Variants in MCAM observed in about 807,000 individuals in gnomAD.
MCAM encodes the protein melanoma cell adhesion molecule.
In MCAM, 55 loss-of-function variants were observed where a neutral mutation model predicts 79.1. The observed-to-expected ratio is 0.70, with a 90% CI of 0.56 to 0.87. MCAM has a LOEUF of 0.87. Ranked by LOEUF, MCAM falls within the 40% of genes least tolerant of loss-of-function variation. MCAM has a pLI of 0.00. For synonymous variants in MCAM, 330 were observed against 339.8 expected (o/e 0.97, Z 0.32); for missense variants, 745 against 839.8 (o/e 0.89, Z 1.40).
Position 119,315,067 on chromosome 11 carries a change from G to A in MCAM, c.193-27C>T. ...TAATGGGAGGAGACACAGAGGAGGAGAAGGGTCCTGGGCTACAAGAGGGGC... is the reference window on the plus strand; with the variant it reads ...TAATGGGAGGAGACACAGAGGAGGAAAAGGGTCCTGGGCTACAAGAGGGGC... On this transcript the variant is annotated intron_variant, in intron 2 of 15. Coordinates refer to ENST00000264036, the MANE Select transcript of MCAM (RefSeq NM_006500.3). The surrounding 1 kb of genome is among the most constrained non-coding windows in gnomAD (Gnocchi z 4.4). The A allele has an allele frequency of 6.2e-7, 1 of 1,609,762 alleles. No individual in the cohort carries two copies. Among genetic ancestry groups the A allele is most frequent in the South Asian group, 1.1e-5 (1 of 91,078 alleles).
Position 119,309,940 on chromosome 11 carries a change from G to A in MCAM, c.1912-25C>T, listed in dbSNP as rs78305366. On this transcript the variant is annotated intron_variant, in intron 15 of 15. Transcript: ENST00000264036. ...CCTAAAAGTGGGTAGAGGAGAAGAGGGGAACACGGAGACGGTGCTGAGTTG... is the reference window on the plus strand; with the variant it reads ...CCTAAAAGTGGGTAGAGGAGAAGAGAGGAACACGGAGACGGTGCTGAGTTG... 2.1e-3 allele frequency: 3,297 copies of A among 1,593,282 alleles called. 72 individuals are homozygous for A. In the East Asian group the frequency reaches 0.045, roughly 22 times the overall value.
rs140543033 is a variant in MCAM at position 119,312,561 on chromosome 11, C to G, written c.827G>C (p.Gly276Ala). 5.6e-5 allele frequency: 91 copies of G among 1,614,018 alleles called. 1 individual carries two copies. The highest frequency in any genetic ancestry group is 7.5e-5 in the Non-Finnish European group (89 of 1,180,036). ...DRVEIRCLAD[G>A]NPPPHFSISK... ...GATGCTGAAGTGTGGTGGAGGGTTG[C>G]CATCAGCCAAACACCTGATTTCCAC... is the stretch of plus-strand genomic sequence containing the variant. The change falls in exon 7 of 16, where the codon GGC becomes GCC. Residue 276 changes from glycine to alanine, a missense_variant. By Grantham distance (60) the Gly-to-Ala change is moderately conservative. Transcript: ENST00000264036. The surrounding 1 kb of genome is among the most constrained non-coding windows in gnomAD (Gnocchi z 4.9).
chr11:119,316,942 C>T lies in MCAM; in HGVS notation c.67+93G>A. ...AGGAGGCTCGTCCTCCCAGACGCAA[C>T]GCCCCGACCCCGCCGCGCCGCTGGC... is the stretch of plus-strand genomic sequence containing the variant. On this transcript the variant is annotated intron_variant, in intron 1 of 15. Coordinates refer to ENST00000264036, the MANE Select transcript of MCAM (RefSeq NM_006500.3). The surrounding 1 kb of genome is among the most constrained non-coding windows in gnomAD (Gnocchi z 4.8). 1 of 1,161,878 alleles carries T rather than the reference C, an allele frequency of 8.6e-7. No individual in the cohort carries two copies. Among genetic ancestry groups the T allele is most frequent in the Non-Finnish European group, 1.2e-6 (1 of 842,812 alleles). 72.0% of individuals were successfully genotyped at this position (1,161,878 alleles called of 1,614,324 possible). A position where few individuals can be genotyped will look rare whatever the true frequency, so the allele number is the denominator to read the frequency against.
At position 119,309,011 on chromosome 11, in the gene MCAM, G is replaced by A. The variant is rs1950185397; in HGVS notation, c.*875C>T. The A allele has an allele frequency of 1.3e-5, 2 of 152,170 alleles. No homozygotes were observed. The highest frequency in any genetic ancestry group is 2.4e-5 in the African/African-American group (1 of 41,428). 9.4% of individuals were successfully genotyped at this position (152,170 alleles called of 1,614,324 possible). ...CCTCGAGACGGAGTCTCGCTGTGTT[G>A]CCCAGGCTGGAGTGCAGTGGCACGG... On this transcript the variant is annotated 3_prime_UTR_variant, in exon 16 of 16. Coordinates refer to ENST00000264036, the MANE Select transcript of MCAM (RefSeq NM_006500.3).
At chr11:119,313,384 GCACTA>G (rs1950263249) in intron 5 of MCAM, 1 of 1,165,268 alleles carries the variant, frequency 8.6e-7, no homozygotes, top group African/African-American at 1.6e-5. Context: ...GGGTTTCTCA[GCACTA>G]CTGATAATTT....
At position 119,309,606 on chromosome 11, in the gene MCAM, G is replaced by A. The variant is rs7914; in HGVS notation, c.*280C>T. ...TGTGTGTAAAGAAAAAACACGTTCT[G>A]CAAGAAACTCTCCTACCCGCTCGGG... On this transcript the variant is annotated 3_prime_UTR_variant, in exon 16 of 16. Coordinates refer to ENST00000264036, the MANE Select transcript of MCAM (RefSeq NM_006500.3). 0.28 allele frequency: 144,781 copies of A among 515,812 alleles called. 23,025 individuals are homozygous for A. The highest frequency in any genetic ancestry group is 0.52 in the South Asian group (19,051 of 36,418). The allele number at this position is 515,812 out of a possible 1,614,324, so 32.0% of individuals were successfully genotyped here.
rs141199045 is a variant in MCAM, at chr11:119,314,574, G to C, written c.474C>G (p.Val158=). Residue 158 remains valine, a splice_region_variant and synonymous_variant, in exon 5 of 16, where the codon GTC becomes GTG. Coordinates refer to ENST00000264036, the MANE Select transcript of MCAM (RefSeq NM_006500.3). ...IPVNSKEPEE[V]ATCVGRNGYP... The stretch of plus-strand genomic sequence containing the variant: ...ACCCGTTCCTCCCTACACAGGTAGC[G>C]ACCTAAAGAGCACAGGGTGTGAGTC... The C allele has an allele frequency of 5.6e-6, 9 of 1,613,708 alleles. No homozygotes were observed. The highest frequency in any genetic ancestry group is 7.6e-6 in the Non-Finnish European group (9 of 1,179,848).
In MCAM at chr11:119,311,942, T is replaced by C. The variant is rs746497130; in HGVS notation, c.1151A>G (p.Gln384Arg). Residue 384 changes from glutamine (Q) to arginine (R), a missense_variant, in exon 10 of 16, where the codon CAG (glutamine) becomes CGG (arginine). Gln to Arg is a conservative substitution (Grantham distance 43). Coordinates refer to ENST00000264036, the MANE Select transcript of MCAM (RefSeq NM_006500.3). The surrounding 1 kb of genome is among the most constrained non-coding windows in gnomAD (Gnocchi z 4.4). ...EFQWLREETGQVLERGPVLQL... is the reference protein window; with the variant it reads ...EFQWLREETGRVLERGPVLQL... ...AAGCACAGGCCCCCTTTCCAGCACCTGGCCTGTCTGGGATGAGAGATGGGT... is the reference window on the plus strand; with the variant it reads ...AAGCACAGGCCCCCTTTCCAGCACCCGGCCTGTCTGGGATGAGAGATGGGT... The C allele has an allele frequency of 6.2e-7, 1 of 1,613,624 alleles. No individual in the cohort carries two copies. Among genetic ancestry groups the C allele is most frequent in the Non-Finnish European group, 8.5e-7 (1 of 1,179,964 alleles).
rs1203716039 is a variant in MCAM, at chr11:119,314,551, C to G, written c.497G>C (p.Gly166Ala). The change falls in exon 5 of 16, where the codon GGG (glycine) becomes GCG (alanine). Residue 166 changes from glycine (G) to alanine (A), a missense_variant. Coordinates refer to ENST00000264036, the MANE Select transcript of MCAM (RefSeq NM_006500.3). ...CCAGATGACTTGAGGAATGGGGTACCCGTTCCTCCCTACACAGGTAGCGAC... is the reference window on the plus strand; with the variant it reads ...CCAGATGACTTGAGGAATGGGGTACGCGTTCCTCCCTACACAGGTAGCGAC... ...EEVATCVGRN[G>A]YPIPQVIWYK... The G allele has an allele frequency of 6.2e-7, 1 of 1,613,758 alleles. No individual in the cohort carries two copies. The highest frequency in any genetic ancestry group is 1.3e-5 in the African/African-American group (1 of 74,858).
Position 119,315,304 on chromosome 11 carries a change from C to G in MCAM, c.68-41G>C, listed in dbSNP as rs199747284. ...GGGGCCCCCGCAGCTGTGTCAGCTC[C>G]GGCTGCTGTCCGCCCCTCCCCTCGC... On this transcript the variant is annotated intron_variant, in intron 1 of 15. Transcript: ENST00000264036. The surrounding 1 kb of genome is among the most constrained non-coding windows in gnomAD (Gnocchi z 4.4). The G allele has an allele frequency of 1.9e-6, 3 of 1,581,672 alleles. No individual in the cohort carries two copies. Among genetic ancestry groups the G allele is most frequent in the East Asian group, 2.3e-5 (1 of 43,976 alleles).
chr11:119,309,128 C>G lies in MCAM; in HGVS notation c.*758G>C, dbSNP rs142204710. 5 of 152,366 alleles carry G rather than the reference C, an allele frequency of 3.3e-5. No individual in the cohort carries two copies. Among genetic ancestry groups the G allele is most frequent in the South Asian group, 4.1e-4 (2 of 4,822 alleles). 9.4% of individuals were successfully genotyped at this position (152,366 alleles called of 1,614,324 possible). A position where few individuals can be genotyped will look rare whatever the true frequency, so the allele number is the denominator to read the frequency against. On this transcript the variant is annotated 3_prime_UTR_variant, in exon 16 of 16. Transcript: ENST00000264036. The stretch of plus-strand genomic sequence containing the variant: ...CTGGGACTATAGGTGCCAACCACTA[C>G]GCCTAGCTAATTTTTTTTTGTATTT...
rs777300630 is a variant in MCAM at position 119,312,211 on chromosome 11, C to A, written c.1025-41G>T. 6.2e-7 allele frequency: 1 copy of A among 1,611,056 alleles called. No individual in the cohort carries two copies. Among genetic ancestry groups the A allele is most frequent in the South Asian group, 1.1e-5 (1 of 90,676 alleles). On this transcript the variant is annotated intron_variant, in intron 8 of 15. Transcript: ENST00000264036. This position sits in a 1 kb window ranked among gnomAD's most constrained non-coding sequence, Gnocchi z 4.9. ...TCATGTCACCCAGGGCAGGGTGGGG[C>A]CAGTTCCCTATTGCCCCAGCCTGGT...
chr11:119,316,832 C>G lies in MCAM; in HGVS notation c.67+203G>C. 1.9e-6 allele frequency: 1 copy of G among 531,138 alleles called. No homozygotes were observed. Among genetic ancestry groups the G allele is most frequent in the African/African-American group, 2.0e-5 (1 of 48,934 alleles). The allele number at this position is 531,138 out of a possible 1,614,324, so 32.9% of individuals were successfully genotyped here. On this transcript the variant is annotated intron_variant, in intron 1 of 15. Transcript: ENST00000264036. The surrounding 1 kb of genome is among the most constrained non-coding windows in gnomAD (Gnocchi z 4.8). ...CTCCCCGCCTTCCGAGTGCTGCTCC[C>G]GGGATACTCTAGAATCCCGGCTGCA...
In MCAM at chr11:119,315,045, T is replaced by TG. The variant is rs745418656; in HGVS notation, c.193-6dup. 1.2e-6 allele frequency: 2 copies of TG among 1,608,460 alleles called. No homozygotes were observed. The highest frequency in any genetic ancestry group is 2.7e-5 in the African/African-American group (2 of 74,860). ...CGTCCGCTTCTCCTTGTGGACCTAA[T>TG]GGGAGGAGACACAGAGGAGGAGAAG... is the stretch of plus-strand genomic sequence containing the variant. On this transcript the variant is annotated splice_region_variant and splice_polypyrimidine_tract_variant and intron_variant, in intron 2 of 15. Transcript: ENST00000264036. The surrounding 1 kb of genome is among the most constrained non-coding windows in gnomAD (Gnocchi z 4.4).
intron 5 of MCAM, chr11:119,313,223 A>C: frequency 2.8e-6 from 4 of 1,420,558 alleles, no homozygotes; most frequent in East Asian, 6.8e-5. Context: ...TGTCCACTAA[A>C]TGGGGAATGG....
At chr11:119,313,125 C>T (rs1413146866) in intron 5 of MCAM, 176 bp from the exon 6 acceptor site, 2 of 1,533,298 alleles carry the variant, frequency 1.3e-6, no homozygotes, top group Non-Finnish European at 1.7e-6. Flanking sequence ...TGCTCAGTGT[C>T]AACCCTAGAA....
In MCAM at chr11:119,317,096, C is replaced by T. The variant is rs1950319355; in HGVS notation, c.6G>A (p.Gly2=). The stretch of plus-strand genomic sequence containing the variant: ...AGAAGGCGCAGACCAGCCTGGGAAG[C>T]CCCATGCTTCCCGGCCGGAGGGCGA... M[G]LPRLVCAFLL... is the part of the protein sequence containing the mutation. Residue 2 remains glycine (G), a synonymous_variant, in exon 1 of 16, where the codon GGG becomes GGA. Coordinates refer to ENST00000264036, the MANE Select transcript of MCAM (RefSeq NM_006500.3). This position sits in a 1 kb window ranked among gnomAD's most constrained non-coding sequence, Gnocchi z 6.2. The T allele has an allele frequency of 1.4e-5, 22 of 1,527,418 alleles. No homozygotes were observed. The highest frequency in any genetic ancestry group is 1.9e-5 in the Non-Finnish European group (22 of 1,141,466). The allele number at this position is 1,527,418 out of a possible 1,614,324, so 94.6% of individuals were successfully genotyped here.
chr11:119,311,380 G>C lies in MCAM; in HGVS notation c.1449C>G (p.Thr483=), dbSNP rs753582013. ...GCTCCGGGGTCACGAGGACATTCAG[G>C]GTGCTCAGGACTCGCTGTGGATCTT... ...QDQDPQRVLS[T]LNVLVTPELL... Residue 483 remains threonine, a synonymous_variant, in exon 12 of 16, where the codon ACC becomes ACG. Transcript: ENST00000264036. This position sits in a 1 kb window ranked among gnomAD's most constrained non-coding sequence, Gnocchi z 4.4. 1 of 1,614,008 alleles carries C rather than the reference G, an allele frequency of 6.2e-7. No homozygotes were observed. The highest frequency in any genetic ancestry group is 1.3e-5 in the African/African-American group (1 of 74,898).
intron 5 of MCAM, chr11:119,313,377 T>A (rs905326858): frequency 8.1e-7 from 1 of 1,232,960 alleles, no homozygotes; most frequent in African/African-American, 1.6e-5. Context: ...TAGACCAGGG[T>A]TTCTCAGCAC....
Sources: gnomAD v4.1 joint callset for allele counts on GRCh38, gnomAD v4.1.1 for gene constraint, Gnocchi (gnomAD v3.1) non-coding constraint, MANE v1.5 for transcripts, NCBI Gene and HGNC (gene_info 2026-07-23, HGNC 2026-07-21) for gene names.